SGCZ: variants seen among roughly 807,000 people sequenced by gnomAD.
The protein encoded by SGCZ is sarcoglycan zeta.
A neutral mutation model predicts 41.3 loss-of-function variants in SGCZ; 40 were observed. The observed-to-expected ratio is 0.97, with a 90% confidence interval of 0.75 to 1.26. SGCZ has a LOEUF of 1.26. Among genes scored for constraint, SGCZ ranks in the 50% most tolerant of loss-of-function variants. The probability of loss-of-function intolerance (pLI) is 0.00; values close to 1 mark genes in which losing one functional copy is unlikely to be tolerated. For missense variants in SGCZ, 552 were observed against 369.8 expected (o/e 1.49, Z -4.04); for synonymous variants, 206 against 137.5 (o/e 1.50, Z -3.49).
chr8:14,194,365 T>C (rs957070487), intron 4 of SGCZ, among the ~76,000 whole-genome samples: 9 of 151,940 alleles, frequency 5.9e-5, no homozygotes, highest in Admixed American at 3.9e-4. Flanking sequence ...TGAAGAGATA[T>C]AAACTTCAGT....
chr8:14,339,609 T>C (rs1802631278), intron 2 of SGCZ, among the ~76,000 whole-genome samples: 1 of 152,166 alleles, frequency 6.6e-6, no homozygotes, highest in Non-Finnish European at 1.5e-5. Flanking sequence ...TGTGCAGCCA[T>C]GTTAGGAGGT....
chr8:14,673,724 GAACA>G (rs1289593110), intron 1 of SGCZ, among the ~76,000 whole-genome samples: 2 of 152,080 alleles, frequency 1.3e-5, no homozygotes, highest in East Asian at 3.9e-4. Context: ...ACGAATAAAT[GAACA>G]AATTAATGTA....
intron 1 of SGCZ, among the ~76,000 whole-genome samples, chr8:14,971,600 T>C (rs2130865154): frequency 6.6e-6 from 1 of 151,494 alleles, no homozygotes; most frequent in African/African-American, 2.4e-5. Flanking sequence ...CTTACATTCC[T>C]GGGATAAATC....
At chr8:14,140,927 C>A (rs958656368) in intron 5 of SGCZ, among the ~76,000 whole-genome samples, 114 of 152,286 alleles carry the variant, frequency 7.5e-4, no homozygotes, top group Middle Eastern at 3.4e-3. Flanking sequence ...AACTATACTA[C>A]AAGCCTACAG....
At chr8:14,186,205 A>C (rs545832820) in intron 4 of SGCZ, among the ~76,000 whole-genome samples, 3 of 152,236 alleles carry the variant, frequency 2.0e-5, no homozygotes, top group Non-Finnish European at 4.4e-5. Flanking sequence ...GCTTAAAATC[A>C]TTTTGAAAAC....
At chr8:14,781,176 A>AC (rs1363627706) in intron 1 of SGCZ, among the ~76,000 whole-genome samples, 1 of 152,252 alleles carries the variant, frequency 6.6e-6, no homozygotes, top group Non-Finnish European at 1.5e-5. Context: ...AAGCAGTTCT[A>AC]CCCCCAAAGA....
In SGCZ at chr8:14,450,577, A is replaced by G. The variant is rs554712543; in HGVS notation, c.234+104155T>C. On this transcript the variant is annotated intron_variant, in intron 2 of 7. Coordinates refer to ENST00000382080, the MANE Select transcript of SGCZ (RefSeq NM_139167.4). Reference sequence around the variant, plus strand: ...TAGTTAAATGTATCATCTGGAAATCACAACCTCCAGTGATCACTGCTATTT... The same window carrying G: ...TAGTTAAATGTATCATCTGGAAATCGCAACCTCCAGTGATCACTGCTATTT... 3.9e-5 allele frequency among the ~76,000 whole-genome samples: 6 copies of G among 152,340 alleles called. 1 individual carries two copies. Among genetic ancestry groups the G allele is most frequent in the African/African-American group, 1.4e-4 (6 of 41,578 alleles).
At chr8:14,596,273 T>A (rs114576378) in intron 1 of SGCZ, among the ~76,000 whole-genome samples, 2,374 of 152,280 alleles carry the variant, frequency 0.016, 27 homozygotes, top group African/African-American at 0.032. Flanking sequence ...AACTAGAAGG[T>A]TGTGCACTAA....
At chr8:15,148,651 A>C (rs1319990812) in intron 1 of SGCZ, among the ~76,000 whole-genome samples, 1 of 152,216 alleles carries the variant, frequency 6.6e-6, no homozygotes, top group African/African-American at 2.4e-5. Context: ...ACTACGGCTA[A>C]TAGGTGTGAA....
chr8:14,797,694 C>T (rs779451822), intron 1 of SGCZ, among the ~76,000 whole-genome samples: 63 of 152,294 alleles, frequency 4.1e-4, no homozygotes, highest in Non-Finnish European at 8.2e-4. Flanking sequence ...TGTCAGAGAC[C>T]TTTGTGGCAG....
chr8:14,409,910 A>G (rs567909961), intron 2 of SGCZ, among the ~76,000 whole-genome samples: 24 of 152,254 alleles, frequency 1.6e-4, no homozygotes, highest in African/African-American at 5.8e-4. Context: ...GGGAGGTAAA[A>G]ATGTCTTTGA....
intron 4 of SGCZ, among the ~76,000 whole-genome samples, chr8:14,203,396 CAT>C (rs1805519044): frequency 6.6e-6 from 1 of 152,104 alleles, no homozygotes; most frequent in Non-Finnish European, 1.5e-5. Flanking sequence ...CCTTGGCTAA[CAT>C]AGAATGTTTT....
intron 2 of SGCZ, among the ~76,000 whole-genome samples, chr8:14,544,387 T>A (rs1479211852): frequency 6.6e-6 from 1 of 152,054 alleles, no homozygotes; most frequent in African/African-American, 2.4e-5. Context: ...TAGCGATTTT[T>A]ATGGAACAAG....
In SGCZ at chr8:14,666,831, G is replaced by GAGGT. The variant is rs911700405; in HGVS notation, c.40-111909_40-111906dup. On this transcript the variant is annotated intron_variant, in intron 1 of 7. Coordinates refer to ENST00000382080, the MANE Select transcript of SGCZ (RefSeq NM_139167.4). Reference sequence around the variant, plus strand: ...TTGATATCTACATGTTTGGGGGAGTGAGGTAGTAACTCTCCAGCCTTATTT... The same window carrying GAGGT: ...TTGATATCTACATGTTTGGGGGAGTGAGGTAGGTAGTAACTCTCCAGCCTTATTT... Among the ~76,000 whole-genome samples, 154 of 152,146 alleles carry GAGGT rather than the reference G, an allele frequency of 1.0e-3. 1 individual carries two copies. The highest frequency in any genetic ancestry group is 3.6e-3 in the African/African-American group (150 of 41,506).
At chr8:14,225,027 C>A (rs1806325638) in intron 4 of SGCZ, among the ~76,000 whole-genome samples, 1 of 152,094 alleles carries the variant, frequency 6.6e-6, no homozygotes, top group Admixed American at 6.6e-5. Flanking sequence ...CACATATCTT[C>A]TTTTTACATT....
At chr8:15,081,507 T>TA (rs1554552314) in intron 1 of SGCZ, among the ~76,000 whole-genome samples, 4 of 151,020 alleles carry the variant, frequency 2.6e-5, no homozygotes, top group African/African-American at 7.3e-5. Flanking sequence ...TTTTTTTTTT[T>TA]ACCCTCAATA....
intron 1 of SGCZ, among the ~76,000 whole-genome samples, chr8:15,208,685 C>A (rs944711853): frequency 1.3e-5 from 2 of 152,012 alleles, no homozygotes; most frequent in African/African-American, 4.8e-5. Flanking sequence ...AAGTGACTTG[C>A]TCAAGGTCTC....
chr8:14,163,243 T>C lies in SGCZ; in HGVS notation c.547+1337A>G, dbSNP rs183330095. ...GGTAAACTTGTGTCGTGGGGGTTTA[T>C]TGTACAGATTATTTTGTCACCCAGG... On this transcript the variant is annotated intron_variant, in intron 5 of 7. Transcript: ENST00000382080. 4.1e-3 allele frequency among the ~76,000 whole-genome samples: 624 copies of C among 152,260 alleles called. 7 individuals are homozygous for C. The highest frequency in any genetic ancestry group is 0.015 in the African/African-American group (606 of 41,544).
chr8:14,923,120 G>A (rs536595594), intron 1 of SGCZ, among the ~76,000 whole-genome samples: 5 of 152,212 alleles, frequency 3.3e-5, no homozygotes, highest in African/African-American at 1.2e-4. Flanking sequence ...CTCCTGACAG[G>A]AAAAAGAAAC....
Sources: allele counts gnomAD v4.1 joint callset (sites outside exome capture counted in the v4.1 genomes callset), GRCh38; gene constraint gnomAD v4.1.1; transcripts MANE v1.5; gene names NCBI Gene and HGNC (gene_info 2026-07-23, HGNC 2026-07-21).